SEC14L3: variants seen among roughly 807,000 people sequenced by gnomAD.
The protein encoded by SEC14L3 is SEC14 like lipid binding 3, also known as SEC14-like protein 3.
Under a neutral mutation model 57.4 loss-of-function variants are expected in SEC14L3, and 56 were observed. That is an observed-to-expected ratio of 0.97 (90% CI 0.79 to 1.22). The LOEUF (loss-of-function observed/expected upper bound fraction) is 1.22. Among genes scored for constraint, SEC14L3 ranks in the 50% most tolerant of loss-of-function variants. SEC14L3 has a pLI of 0.00. For synonymous variants in SEC14L3, 173 were observed against 194.4 expected (o/e 0.89, Z 0.92); for missense variants, 485 against 511.7 (o/e 0.95, Z 0.50).
At chr22:30,449,913 G>A (rs533453132) in intron 12 of SEC14L3, among the ~76,000 whole-genome samples, 1 of 152,052 alleles carries the variant, frequency 6.6e-6, no homozygotes, top group East Asian at 1.9e-4. Context: ...AAATACTCCT[G>A]GATCAGGGAG....
chr22:30,461,744 C>T (rs555624448), intron 9 of SEC14L3, 50 bp from the exon 10 acceptor site: 1 of 1,573,258 alleles, frequency 6.4e-7, no homozygotes, highest in African/African-American at 1.3e-5. Context: ...GGCCATTGTT[C>T]ATGTTTCTTC....
At chr22:30,449,558 CTTTTCTTTT>C (rs1277831589) in intron 12 of SEC14L3, among the ~76,000 whole-genome samples, 1 of 145,526 alleles carries the variant, frequency 6.9e-6, no homozygotes, top group Non-Finnish European at 1.5e-5. Context: ...CTTTTCTTTT[CTTTTCTTTT>C]CTTTTTTTTT....
Position 30,468,618 on chromosome 22 carries a change from G to A in SEC14L3, c.313C>T (p.Pro105Ser), listed in dbSNP as rs1037173085. ...AAGAGCAACCCCTTGGGATCAAGTG[G>A]CCCAATGATGTCATACCACACGGGG... ...GCPVWYDIIG[P>S]LDPKGLLFSV... is the part of the protein sequence containing the mutation. The change falls in exon 5 of 12, where the codon CCA becomes TCA. Residue 105 changes from proline (P) to serine (S), a missense_variant. By Grantham distance (74) the Pro-to-Ser change is moderately conservative (BLOSUM62 -1). Transcript: ENST00000215812. 16 of 1,613,642 alleles carry A rather than the reference G, an allele frequency of 9.9e-6. No homozygotes were observed. Among genetic ancestry groups the A allele is most frequent in the Non-Finnish European group, 1.3e-5 (15 of 1,179,936 alleles).
At chr22:30,468,991 A>G (rs1935517500) in intron 4 of SEC14L3, 2 of 1,406,696 alleles carry the variant, frequency 1.4e-6, no homozygotes, top group Middle Eastern at 2.7e-4. Context: ...GTGATGGAGA[A>G]CACAGATTCT....
chr22:30,462,376 G>A, intron 8 of SEC14L3, 184 bp from the exon 9 acceptor site: 1 of 496,260 alleles, frequency 2.0e-6, no homozygotes, highest in East Asian at 1.5e-4. Flanking sequence ...TGTTGCTGTG[G>A]AAATGTGTTT....
intron 8 of SEC14L3, 95 bp from the exon 9 acceptor site, chr22:30,462,287 C>T (rs1396963294): frequency 6.8e-7 from 1 of 1,474,142 alleles, no homozygotes; most frequent in African/African-American, 1.4e-5. Context: ...GGGGAGAAGC[C>T]CTATAGGAGG....
intron 12 of SEC14L3, among the ~76,000 whole-genome samples, chr22:30,451,663 C>T (rs1043233188): frequency 3.9e-5 from 6 of 152,000 alleles, no homozygotes; most frequent in African/African-American, 1.4e-4. Flanking sequence ...TGCCGAAACA[C>T]GGACACTCCC....
chr22:30,456,938 T>C (rs1378447382), downstream of SEC14L3, among the ~76,000 whole-genome samples: 3 of 152,212 alleles, frequency 2.0e-5, no homozygotes, highest in Admixed American at 1.3e-4. Context: ...AGATCTCAGC[T>C]CTGGCCCTGG....
downstream of SEC14L3, among the ~76,000 whole-genome samples, chr22:30,454,585 T>TATTATATATAATCTATAATA (rs1457027667): frequency 1.4e-5 from 1 of 73,670 alleles, no homozygotes. Flanking sequence ...TCTATAATAA[T>TATTATATATAATCTATAATA]ATTATTATAT....
Position 30,459,288 on chromosome 22 carries a change from G to T in SEC14L3, c.*733C>A. On this transcript the variant is annotated 3_prime_UTR_variant, in exon 12 of 12. Transcript: ENST00000215812. ...TGTGACTGCCTTTGCTTCCAGGAAA[G>T]TCCCTAAAACATAAGCTATGTGCAA... 1 of 985,424 alleles carries T rather than the reference G, an allele frequency of 1.0e-6. No homozygotes were observed. Among genetic ancestry groups the T allele is most frequent in the South Asian group, 4.7e-5 (1 of 21,282 alleles). The allele number at this position is 985,424 out of a possible 1,614,324, so 61.0% of individuals were successfully genotyped here. A position where few individuals can be genotyped will look rare whatever the true frequency, so the allele number is the denominator to read the frequency against.
At chr22:30,448,273 C>T (rs9606730) in exon 13 of SEC14L3, 2,783 of 152,422 alleles carry the variant, frequency 0.018, 31 homozygotes, top group Non-Finnish European at 0.025. Flanking sequence ...GCCTCTGACC[C>T]CTGGGGTCCC....
chr22:30,470,619 C>T (rs751960053), intron 1 of SEC14L3, 37 bp from the exon 2 acceptor site: 1 of 1,613,918 alleles, frequency 6.2e-7, no homozygotes, highest in South Asian at 1.1e-5. Context: ...GGCTCTCTCA[C>T]ATTGAGCCTT....
chr22:30,469,625 G>A (rs577618312), intron 4 of SEC14L3, among the ~76,000 whole-genome samples: 1 of 152,192 alleles, frequency 6.6e-6, no homozygotes, highest in Non-Finnish European at 1.5e-5. Flanking sequence ...AATGCCTTAG[G>A]GGGCAGGGGT....
At chr22:30,468,211 G>A (rs1298972105) in intron 5 of SEC14L3, among the ~76,000 whole-genome samples, 2 of 151,672 alleles carry the variant, frequency 1.3e-5, no homozygotes, top group African/African-American at 2.4e-5. Flanking sequence ...CCTGGGAGGC[G>A]GAGGTTTCAG....
In SEC14L3 at chr22:30,471,985, T is replaced by C. The variant is rs367960060; in HGVS notation, c.-27A>G. ...GTGCTGGCTGGGGCTTGAGGAGTGG[T>C]GGCCACTATAGGCAAGAGGCCAAGC... On this transcript the variant is annotated 5_prime_UTR_variant, in exon 1 of 12. Transcript: ENST00000215812. 1 of 1,584,938 alleles carries C rather than the reference T, an allele frequency of 6.3e-7. No individual in the cohort carries two copies. The highest frequency in any genetic ancestry group is 8.6e-7 in the Non-Finnish European group (1 of 1,165,956).
At chr22:30,449,499 A>C (rs1369803922) in intron 12 of SEC14L3, among the ~76,000 whole-genome samples, 1 of 151,592 alleles carries the variant, frequency 6.6e-6, no homozygotes, top group Non-Finnish European at 1.5e-5. Flanking sequence ...CTTAGCCAGT[A>C]CCTGATTACA....
chr22:30,469,757 TG>T lies in SEC14L3; in HGVS notation c.234+261del, dbSNP rs200872116. ...TGTGGGCAAGTTACCTAATTTTTGC[TG>T]GGCTTCAGTGTCCTCATCCACAAAA... On this transcript the variant is annotated intron_variant, in intron 4 of 11. Transcript: ENST00000215812. Among the ~76,000 whole-genome samples, 1,214 of 152,374 alleles carry T rather than the reference TG, an allele frequency of 8.0e-3. 14 individuals carry two copies. Among genetic ancestry groups the T allele is most frequent in the Non-Finnish European group, 0.01 (707 of 68,038 alleles).
intron 12 of SEC14L3, among the ~76,000 whole-genome samples, chr22:30,449,968 G>A (rs1185943685): frequency 6.6e-6 from 1 of 151,936 alleles, no homozygotes; most frequent in African/African-American, 2.4e-5. Flanking sequence ...TCTGGACTGG[G>A]TGTGATAGTC....
rs778891397 is a variant in SEC14L3, at chr22:30,464,923, G to T, written c.581-20C>A. The T allele has an allele frequency of 3.1e-6, 5 of 1,613,584 alleles. No individual in the cohort carries two copies. In the East Asian group the frequency reaches 8.9e-5, roughly 29 times the overall value. On this transcript the variant is annotated intron_variant, in intron 7 of 11. Transcript: ENST00000215812. ...TGGTAGCTGGAGAGATAGAAGTAAG[G>T]ATAATGGGAAGAAAAGAATTACATT...
Sources: gnomAD v4.1 joint callset for allele counts (sites outside exome capture counted in the v4.1 genomes callset) on GRCh38, gnomAD v4.1.1 for gene constraint, MANE v1.5 for transcripts, NCBI Gene and HGNC (gene_info 2026-07-23, HGNC 2026-07-21) for gene names.